ARSF: variants seen among roughly 807,000 people sequenced by gnomAD.
The protein encoded by ARSF is arylsulfatase F.
Under a neutral mutation model 35.4 loss-of-function variants are expected in ARSF, and 33 were observed. The observed-to-expected ratio is 0.93, with a 90% CI of 0.71 to 1.25. The LOEUF (loss-of-function observed/expected upper bound fraction) is 1.25. Among genes scored for constraint, ARSF ranks in the 50% most tolerant of loss-of-function variants. The pLI is 0.00. For missense variants in ARSF, 501 were observed against 480.2 expected (o/e 1.04, Z -0.40); for synonymous variants, 222 against 193.1 (o/e 1.15, Z -1.24).
intron 1 of ARSF, among the ~76,000 whole-genome samples, chrX:3,056,033 T>C (rs1056926769): frequency 5.4e-5 from 6 of 111,677 alleles, no homozygotes; most frequent in African/African-American, 2.0e-4. Context: ...TACGGCTCAT[T>C]GCAGCCTCAA....
chrX:3,103,971 C>T, intron 9 of ARSF, 47 bp downstream of exon 9: 2 of 1,168,744 alleles, frequency 1.7e-6, no homozygotes, highest in South Asian at 3.8e-5. Flanking sequence ...CACCCTTCTT[C>T]CTTCTCAGAA....
At chrX:3,056,600 C>T (rs1296854926) in intron 1 of ARSF, among the ~76,000 whole-genome samples, 1 of 111,200 alleles carries the variant, frequency 9.0e-6, no homozygotes, top group Admixed American at 9.6e-5. Flanking sequence ...ATTTCAATGT[C>T]TAGTCTAGAC....
intron 1 of ARSF, among the ~76,000 whole-genome samples, chrX:3,049,531 A>T (rs1396323996): frequency 5.3e-5 from 6 of 112,178 alleles, no homozygotes; most frequent in African/African-American, 1.9e-4. Context: ...AATTGAACAG[A>T]ACTGTTTTAG....
intron 1 of ARSF, among the ~76,000 whole-genome samples, chrX:3,064,844 C>T (rs756274156): frequency 1.8e-5 from 2 of 111,831 alleles, no homozygotes; most frequent in East Asian, 5.7e-4. Context: ...AACACTTTTA[C>T]ACTGTTGGCG....
intron 6 of ARSF, among the ~76,000 whole-genome samples, chrX:3,087,032 G>T (rs1365452760): frequency 9.0e-6 from 1 of 111,162 alleles, no homozygotes; most frequent in African/African-American, 3.3e-5. Context: ...GTAGGGTTTT[G>T]TTTTCTGACT....
At chrX:3,075,743 T>C (rs914729429) in intron 3 of ARSF, among the ~76,000 whole-genome samples, 1 of 107,991 alleles carries the variant, frequency 9.3e-6, no homozygotes, top group Admixed American at 1.0e-4. Context: ...GTCTCTCTGA[T>C]TGTCTGTCTC....
At position 3,084,560 on chromosome X, in the gene ARSF, T is replaced by C; in HGVS notation, c.724T>C (p.Tyr242His). ...GTTCTCCAGCCACACGTCCCCTTTA[T>C]ACTGGGACTGCCTCCTCATGCGGGG... ...AWFSSHTSPL[Y>H]WDCLLMRGHE... Residue 242 changes from tyrosine to histidine, a missense_variant, in exon 6 of 11, where the codon TAC becomes CAC. By Grantham distance (83) the Tyr-to-His change is moderately conservative (BLOSUM62 2). Transcript: ENST00000381127. The C allele has an allele frequency of 8.3e-7, 1 of 1,211,721 alleles. No homozygotes were observed. The highest frequency in any genetic ancestry group is 1.1e-6 in the Non-Finnish European group (1 of 895,501).
At chrX:3,101,423 T>C (rs1027261212) in intron 8 of ARSF, among the ~76,000 whole-genome samples, 8 of 111,845 alleles carry the variant, frequency 7.2e-5, no homozygotes, top group Non-Finnish European at 1.5e-4. Context: ...AAGGAAGCCA[T>C]TTATGTAGAG....
intron 6 of ARSF, among the ~76,000 whole-genome samples, chrX:3,086,235 G>T (rs1458187828): frequency 8.9e-6 from 1 of 111,835 alleles, no homozygotes; most frequent in Non-Finnish European, 1.9e-5. Context: ...TCTTCTGTCT[G>T]CCAGTTCGTC....
intron 4 of ARSF, 141 bp from the exon 5 acceptor site, chrX:3,080,750 T>C: frequency 4.2e-6 from 3 of 711,716 alleles, no homozygotes; most frequent in Non-Finnish European, 6.1e-6. Flanking sequence ...TCCACCCTCC[T>C]GACCTCATCC....
At chrX:3,057,937 C>T (rs2090025500) in intron 1 of ARSF, among the ~76,000 whole-genome samples, 1 of 111,807 alleles carries the variant, frequency 8.9e-6, no homozygotes, top group African/African-American at 3.3e-5. Context: ...GACACATGCA[C>T]CTTACCCCGA....
intron 4 of ARSF, among the ~76,000 whole-genome samples, chrX:3,080,046 G>A (rs1044038941): frequency 2.8e-5 from 3 of 106,873 alleles, no homozygotes; most frequent in Admixed American, 2.0e-4. Context: ...AGTAGTCTTC[G>A]CTTGTGGGTA....
At chrX:3,103,218 C>T (rs780145315) in intron 8 of ARSF, among the ~76,000 whole-genome samples, 1 of 110,967 alleles carries the variant, frequency 9.0e-6, no homozygotes, top group African/African-American at 3.3e-5. Context: ...TTATATCCTA[C>T]TGGAGGGAGG....
At position 3,103,793 on chromosome X, in the gene ARSF, A is replaced by T; in HGVS notation, c.1134A>T (p.Gly378=). 1 of 1,211,644 alleles carries T rather than the reference A, an allele frequency of 8.3e-7. No homozygotes were observed. Among genetic ancestry groups the T allele is most frequent in the Non-Finnish European group, 1.1e-6 (1 of 895,395 alleles). Residue 378 remains glycine (G), a synonymous_variant, in exon 9 of 11, where the codon GGA becomes GGT. Transcript: ENST00000381127. ...GGKGMGGWEG[G]IRVPGIVRWP... ...AAGGCATGGGGGGCTGGGAAGGTGG[A>T]ATCCGCGTCCCAGGAATTGTCCGAT...
intron 1 of ARSF, among the ~76,000 whole-genome samples, chrX:3,054,395 A>G (rs1323513195): frequency 1.8e-5 from 2 of 111,516 alleles, no homozygotes; most frequent in African/African-American, 6.5e-5. Flanking sequence ...TGGCTCCACA[A>G]TGACTTTTTT....
intron 1 of ARSF, among the ~76,000 whole-genome samples, chrX:3,043,405 C>A (rs1291627504): frequency 8.9e-6 from 1 of 111,958 alleles, no homozygotes; most frequent in African/African-American, 3.2e-5. Flanking sequence ...AGGTATTGGA[C>A]TTCAATAATA....
At chrX:3,079,407 G>A (rs967804779) in intron 4 of ARSF, among the ~76,000 whole-genome samples, 4 of 100,296 alleles carry the variant, frequency 4.0e-5, no homozygotes, top group African/African-American at 7.4e-5. Flanking sequence ...GTGCAATGGC[G>A]CAATCTCGGC....
chrX:3,104,045 T>A, intron 9 of ARSF, 121 bp downstream of exon 9: 2 of 716,348 alleles, frequency 2.8e-6, no homozygotes, highest in Non-Finnish European at 4.1e-6. Flanking sequence ...ATCTACACAG[T>A]TTTACCTTCC....
At chrX:3,100,967 G>T in intron 7 of ARSF, 120 bp from the exon 8 acceptor site, 1 of 629,976 alleles carries the variant, frequency 1.6e-6, no homozygotes. Flanking sequence ...TTCTTTTGTG[G>T]CTTTTGACAT....
Sources: gnomAD v4.1 joint callset for allele counts (sites outside exome capture counted in the v4.1 genomes callset) on GRCh38, gnomAD v4.1.1 for gene constraint, MANE v1.5 for transcripts, NCBI Gene and HGNC (gene_info 2026-07-23, HGNC 2026-07-21) for gene names.